RYR1: variants seen among roughly 807,000 people sequenced by gnomAD.
RYR1 encodes central core disease of muscle.
RYR1 carries 342 observed loss-of-function variants against 583.5 expected under a neutral mutation model. The ratio of observed to expected loss-of-function variants is 0.59; its 90% confidence interval spans 0.54 to 0.64. RYR1 has a LOEUF of 0.64. RYR1 is among the 30% of genes least tolerant of loss of function. The probability of loss-of-function intolerance (pLI) is 0.00; values close to 1 mark genes in which losing one functional copy is unlikely to be tolerated. For synonymous variants in RYR1, 2,791 were observed against 2,822.5 expected (o/e 0.99, Z 0.35); for missense variants, 6,032 against 6,917.2 (o/e 0.87, Z 4.54).
rs543454837 is a variant in RYR1 at position 38,448,894 on chromosome 19, T to C, written c.1122+81T>C. The C allele has an allele frequency of 1.3e-3, 1,724 of 1,330,026 alleles. 6 individuals are homozygous for C. The highest frequency in any genetic ancestry group is 1.8e-3 in the Non-Finnish European group (1,666 of 949,376). 82.4% of individuals were successfully genotyped at this position (1,330,026 alleles called of 1,614,324 possible). A position where few individuals can be genotyped will look rare whatever the true frequency, so the allele number is the denominator to read the frequency against. On this transcript the variant is annotated intron_variant, in intron 11 of 105. Transcript: ENST00000359596. ...GGAGGTCAAGGCTGCAGTGAGCTGGTGATCATGCCACTGTACTCCAGCCTG... is the reference window on the plus strand; with the variant it reads ...GGAGGTCAAGGCTGCAGTGAGCTGGCGATCATGCCACTGTACTCCAGCCTG...
In RYR1 at chr19:38,586,204, A is replaced by T; in HGVS notation, c.14969+13A>T. 1 of 1,611,306 alleles carries T rather than the reference A, an allele frequency of 6.2e-7. No homozygotes were observed. Among genetic ancestry groups the T allele is most frequent in the Non-Finnish European group, 8.5e-7 (1 of 1,178,438 alleles). ...TGGCCAATTACATGTGAGCAGACAC[A>T]CTGGCCAGTCAGGAGGGTGGGGGGC... On this transcript the variant is annotated intron_variant, in intron 104 of 105. Transcript: ENST00000359596.
intron 58 of RYR1, among the ~76,000 whole-genome samples, chr19:38,508,630 T>C (rs1970588591): frequency 6.6e-6 from 1 of 152,316 alleles, no homozygotes; most frequent in African/African-American, 2.4e-5. Flanking sequence ...CATCTGTTCC[T>C]TGCAGGCAAA....
At chr19:38,575,430 C>T (rs1358663107) in intron 96 of RYR1, among the ~76,000 whole-genome samples, 1 of 152,012 alleles carries the variant, frequency 6.6e-6, no homozygotes, top group Non-Finnish European at 1.5e-5. Flanking sequence ...GAGGCCAAGG[C>T]GGGAGGGGGG....
At chr19:38,438,485 G>T (rs1390412232) in intron 1 of RYR1, among the ~76,000 whole-genome samples, 1 of 151,260 alleles carries the variant, frequency 6.6e-6, no homozygotes, top group Non-Finnish European at 1.5e-5. Flanking sequence ...GATTTCCCAG[G>T]CTTGGCAGTC....
intron 101 of RYR1, among the ~76,000 whole-genome samples, chr19:38,582,145 C>T (rs1974241924): frequency 6.6e-6 from 1 of 152,108 alleles, no homozygotes; most frequent in Non-Finnish European, 1.5e-5. Context: ...TGCCTGTAAT[C>T]CCAGCACTTT....
chr19:38,450,765 C>T (rs953644840), intron 11 of RYR1, among the ~76,000 whole-genome samples: 11 of 125,134 alleles, frequency 8.8e-5, no homozygotes, highest in Admixed American at 4.1e-4. Flanking sequence ...TTCTGTACAA[C>T]GTGGAAACAA....
rs1968180797 is a variant in RYR1 at position 38,467,678 on chromosome 19, C to A, written c.3247C>A (p.Gln1083Lys). Residue 1083 changes from glutamine to lysine, a missense_variant, in exon 25 of 106, where the codon CAG (glutamine) becomes AAG (lysine). Physicochemically the swap from Gln to Lys is moderately conservative, Grantham distance 53. Around this residue, in one of 11 missense-constraint regions of RYR1, gnomAD observed 2,627 missense variants for 2,961.3 expected, o/e 0.89. Coordinates refer to ENST00000359596, the MANE Select transcript of RYR1 (RefSeq NM_000540.3). ...CCGGGCAGAGAAATCCTATACAGTG[C>A]AGAGCGGCCGCTGGTACTTCGAGTT... ...IFRAEKSYTV[Q>K]SGRWYFEFEA... is the part of the protein sequence containing the mutation. 6.2e-7 allele frequency: 1 copy of A among 1,614,118 alleles called. No individual in the cohort carries two copies. The highest frequency in any genetic ancestry group is 1.3e-5 in the African/African-American group (1 of 74,932).
chr19:38,466,065 C>G (rs1367992042), intron 23 of RYR1, 26 bp from the exon 24 acceptor site: 2 of 1,591,226 alleles, frequency 1.3e-6, no homozygotes, highest in Admixed American at 1.8e-5. Flanking sequence ...AGGGCCTTGT[C>G]CCATGGAGCC....
chr19:38,535,336 G>C lies in RYR1; in HGVS notation c.11460G>C (p.Lys3820Asn). ...EVQQKMLDYLKDKKEVGFFQS... is the reference protein window; with the variant it reads ...EVQQKMLDYLNDKKEVGFFQS... ...TGCAGAAAATGCTGGATTATCTTAA[G>C]GACAAGAAGGAAGTTGGCTTCTTCC... The change falls in exon 81 of 106, where the codon AAG (lysine) becomes AAC (asparagine). Residue 3820 changes from lysine (K) to asparagine (N), a missense_variant. Around this residue, in one of 11 missense-constraint regions of RYR1, gnomAD observed 1,493 missense variants for 1,715.5 expected, o/e 0.87. Transcript: ENST00000359596. The C allele has an allele frequency of 6.2e-7, 1 of 1,614,158 alleles. No homozygotes were observed. The highest frequency in any genetic ancestry group is 8.5e-7 in the Non-Finnish European group (1 of 1,180,018).
At chr19:38,469,860 A>G (rs1033596888) in intron 27 of RYR1, among the ~76,000 whole-genome samples, 3 of 152,072 alleles carry the variant, frequency 2.0e-5, no homozygotes, top group Non-Finnish European at 4.4e-5. Flanking sequence ...TGAGCCCAGG[A>G]GTTCAAGACC....
At chr19:38,477,030 C>CA (rs202184572) in intron 29 of RYR1, among the ~76,000 whole-genome samples, 4 of 104,432 alleles carry the variant, frequency 3.8e-5, no homozygotes, top group Non-Finnish European at 2.0e-5. Flanking sequence ...GACTGCAACT[C>CA]AAAAAAAATA....
chr19:38,481,820 G>T (rs1969025151), intron 31 of RYR1, among the ~76,000 whole-genome samples: 1 of 151,676 alleles, frequency 6.6e-6, no homozygotes, highest in Non-Finnish European at 1.5e-5. Flanking sequence ...GGGCGTGGTG[G>T]CTCACACCTG....
At chr19:38,532,085 A>G (rs1971762446) in intron 76 of RYR1, among the ~76,000 whole-genome samples, 1 of 151,022 alleles carries the variant, frequency 6.6e-6, no homozygotes, top group South Asian at 2.1e-4. Flanking sequence ...CAGCCTGAAC[A>G]TGGGGAGGGT....
intron 16 of RYR1, among the ~76,000 whole-genome samples, chr19:38,457,122 C>T (rs142956793): frequency 6.8e-6 from 1 of 147,758 alleles, no homozygotes; most frequent in East Asian, 2.1e-4. Flanking sequence ...ACATTTTCCA[C>T]TTGGCCCCTA....
intron 93 of RYR1, among the ~76,000 whole-genome samples, chr19:38,569,087 T>C (rs1050218530): frequency 1.4e-4 from 21 of 151,972 alleles, no homozygotes; most frequent in Admixed American, 2.0e-4. Flanking sequence ...CTCGGCTCAC[T>C]GCAAGCTCTG....
chr19:38,517,709 G>T lies in RYR1; in HGVS notation c.10018+18G>T. The T allele has an allele frequency of 1.9e-6, 3 of 1,610,732 alleles. No homozygotes were observed. Among genetic ancestry groups the T allele is most frequent in the Non-Finnish European group, 1.7e-6 (2 of 1,176,918 alleles). On this transcript the variant is annotated intron_variant, in intron 66 of 105. Coordinates refer to ENST00000359596, the MANE Select transcript of RYR1 (RefSeq NM_000540.3). ...GCTGGCTGGTGGGTCGGGGGGCACT[G>T]GGCCTCTGAGGGGTGGGTCAGCAGC... is the stretch of plus-strand genomic sequence containing the variant.
In RYR1 at chr19:38,490,671, T is replaced by C. The variant is rs749810304; in HGVS notation, c.6066T>C (p.Pro2022=). The change falls in exon 37 of 106, where the codon CCT becomes CCC. Residue 2022 remains proline (P), a synonymous_variant. Coordinates refer to ENST00000359596, the MANE Select transcript of RYR1 (RefSeq NM_000540.3). ...ATGGTACAGATGAGGAAGACTGTCC[T>C]CTCCCTGAAGAGATTCGACAGGATT... ...FKDGTDEEDC[P]LPEEIRQDLL... 1.2e-6 allele frequency: 2 copies of C among 1,613,908 alleles called. No individual in the cohort carries two copies. Among genetic ancestry groups the C allele is most frequent in the Admixed American group, 1.7e-5 (1 of 60,020 alleles).
intron 96 of RYR1, 77 bp downstream of exon 96, chr19:38,573,384 A>T: frequency 6.4e-7 from 1 of 1,557,862 alleles, no homozygotes; most frequent in Non-Finnish European, 8.7e-7. Flanking sequence ...CTGGACCCCA[A>T]AAAACTAGGG....
intron 84 of RYR1, among the ~76,000 whole-genome samples, chr19:38,539,245 T>C (rs972668328): frequency 5.3e-5 from 8 of 149,806 alleles, no homozygotes; most frequent in African/African-American, 1.7e-4. Context: ...TTTCTTTTTT[T>C]TTTTTTTTTT....
Sources: allele counts gnomAD v4.1 joint callset (sites outside exome capture counted in the v4.1 genomes callset), GRCh38; gene constraint gnomAD v4.1.1; regional missense constraint gnomAD v4.1.1; transcripts MANE v1.5; gene names NCBI Gene and HGNC (gene_info 2026-07-23, HGNC 2026-07-21).